NFIL3: variants seen among roughly 807,000 people sequenced by gnomAD.
The protein encoded by NFIL3 is nuclear factor interleukin-3-regulated protein.
A neutral mutation model predicts 10.0 loss-of-function variants in NFIL3; 5 were observed. That is an observed-to-expected ratio of 0.50 (90% confidence interval 0.26 to 1.06). NFIL3 has a LOEUF of 1.06. NFIL3 is among the 50% of genes least tolerant of loss of function. The pLI is 0.13. For synonymous variants in NFIL3, 202 were observed against 206.5 expected, an observed-to-expected ratio of 0.98 and a Z score of 0.19; for missense variants, 436 against 547.6, an observed-to-expected ratio of 0.80 and a Z score of 2.03.
At chr9:91,470,799 G>T in the NFIL3 span, among the ~76,000 whole-genome samples, 1 of 152,150 alleles carries the variant, frequency 6.6e-6, no homozygotes, top group Non-Finnish European at 1.5e-5. Flanking sequence ...TTAAGGAGCA[G>T]GTTGTTCAGT....
chr9:91,439,845 A>C, the NFIL3 span, among the ~76,000 whole-genome samples: 1 of 152,126 alleles, frequency 6.6e-6, no homozygotes, highest in Non-Finnish European at 1.5e-5. Flanking sequence ...AATCAGTGTT[A>C]TATGCCAGAA....
chr9:91,470,351 T>G, the NFIL3 span, among the ~76,000 whole-genome samples: 1 of 148,568 alleles, frequency 6.7e-6, no homozygotes, highest in South Asian at 2.2e-4. Flanking sequence ...GATGGTAGTT[T>G]GTATTTCTGT....
the NFIL3 span, among the ~76,000 whole-genome samples, chr9:91,454,472 C>T: frequency 6.6e-6 from 1 of 151,794 alleles, no homozygotes; most frequent in Non-Finnish European, 1.5e-5. Context: ...CTATGAAATT[C>T]ATACATTTCC....
At chr9:91,422,763 G>A (rs985167858) in intron 1 of NFIL3, among the ~76,000 whole-genome samples, 1 of 152,198 alleles carries the variant, frequency 6.6e-6, no homozygotes, top group African/African-American at 2.4e-5. Context: ...AATAACAGCT[G>A]AGAACATTGA....
In NFIL3 at chr9:91,410,974, A is replaced by C. The variant is rs1333483237; in HGVS notation, c.-172-68T>G. 1.2e-5 allele frequency: 6 copies of C among 489,078 alleles called. No homozygotes were observed. The highest frequency in any genetic ancestry group is 7.6e-5 in the Admixed American group (2 of 26,458). 30.3% of individuals were successfully genotyped at this position (489,078 alleles called of 1,614,324 possible). ...AAATGTTTATTACAAATTATGTACA[A>C]GGAAATATGCTAAGCATTTAGGGCA... On this transcript the variant is annotated intron_variant, in intron 1 of 1. Transcript: ENST00000297689. The surrounding 1 kb of genome is among the most constrained non-coding windows in gnomAD (Gnocchi z 5.7).
At chr9:91,453,060 G>A in the NFIL3 span, among the ~76,000 whole-genome samples, 1 of 152,072 alleles carries the variant, frequency 6.6e-6, no homozygotes, top group South Asian at 2.1e-4. Flanking sequence ...CAATTCTGAG[G>A]GCTACACATC....
upstream of NFIL3, among the ~76,000 whole-genome samples, chr9:91,428,650 C>T (rs961417824): frequency 6.6e-6 from 1 of 152,208 alleles, no homozygotes; most frequent in Non-Finnish European, 1.5e-5. Flanking sequence ...TCTACACCAA[C>T]GACATGATTT....
At chr9:91,473,231 T>A in the NFIL3 span, among the ~76,000 whole-genome samples, 4 of 152,254 alleles carry the variant, frequency 2.6e-5, no homozygotes, top group Admixed American at 2.6e-4. Context: ...AACACTGATC[T>A]CTTCAGAGAT....
rs557006515 is a variant in NFIL3 at position 91,410,029 on chromosome 9, G to C, written c.706C>G (p.Arg236Gly). Residue 236 changes from arginine to glycine, a missense_variant, in exon 2 of 2, where the codon CGA (arginine) becomes GGA (glycine). Physicochemically the swap from Arg to Gly is moderately radical, Grantham distance 125. This residue lies in a region of NFIL3 where 338 missense variants were observed against 399.9 expected (regional missense o/e 0.85). Transcript: ENST00000297689. The surrounding 1 kb of genome is among the most constrained non-coding windows in gnomAD (Gnocchi z 5.7). ...TAGATGGACGCTGTGTAAGAGCCTC[G>C]GTCATCTCTTGGCTCCCTTGTGTAG... ...ESYTREPRDD[R>G]GSYTASIYQN... The C allele has an allele frequency of 1.9e-5, 30 of 1,612,552 alleles. No homozygotes were observed. The highest frequency in any genetic ancestry group is 8.0e-5 in the African/African-American group (6 of 74,954).
chr9:91,469,357 T>C, the NFIL3 span, among the ~76,000 whole-genome samples: 1 of 152,236 alleles, frequency 6.6e-6, no homozygotes. Context: ...ATAGGAATGC[T>C]TGTGATTTTT....
chr9:91,474,811 G>T, the NFIL3 span, among the ~76,000 whole-genome samples: 1 of 152,130 alleles, frequency 6.6e-6, no homozygotes, highest in African/African-American at 2.4e-5. Flanking sequence ...AGCAGCCATG[G>T]GCAATAGGGA....
chr9:91,423,205 C>T (rs1418549192), intron 1 of NFIL3, among the ~76,000 whole-genome samples: 1 of 152,126 alleles, frequency 6.6e-6, no homozygotes, highest in East Asian at 1.9e-4. Flanking sequence ...CCTCAACCCC[C>T]CATTCCTCTC....
At chr9:91,416,586 C>T (rs969826468) in intron 1 of NFIL3, among the ~76,000 whole-genome samples, 8 of 152,132 alleles carry the variant, frequency 5.3e-5, no homozygotes, top group South Asian at 2.1e-4. Flanking sequence ...GTATTCAGCA[C>T]GATTAACTTC....
the NFIL3 span, among the ~76,000 whole-genome samples, chr9:91,441,388 A>G: frequency 1.3e-5 from 2 of 152,216 alleles, no homozygotes; most frequent in South Asian, 4.1e-4. Context: ...CTTTCAGTCT[A>G]TGTTTGTCCT....
At chr9:91,462,186 C>G in the NFIL3 span, among the ~76,000 whole-genome samples, 10 of 150,392 alleles carry the variant, frequency 6.6e-5, no homozygotes, top group Non-Finnish European at 1.5e-4. Flanking sequence ...TTATTTCTTT[C>G]CAATCTATTA....
the NFIL3 span, among the ~76,000 whole-genome samples, chr9:91,482,147 C>A: frequency 3.3e-5 from 5 of 152,176 alleles, no homozygotes; most frequent in African/African-American, 4.8e-5. Context: ...CCTACAATCT[C>A]ATTTCTCAGA....
At chr9:91,413,069 G>C (rs1050983060) in intron 1 of NFIL3, among the ~76,000 whole-genome samples, 4 of 152,032 alleles carry the variant, frequency 2.6e-5, no homozygotes, top group Non-Finnish European at 5.9e-5. Flanking sequence ...CCATTAAACT[G>C]AGCCAACATA....
At chr9:91,449,182 C>T in the NFIL3 span, among the ~76,000 whole-genome samples, 1 of 151,712 alleles carries the variant, frequency 6.6e-6, no homozygotes, top group African/African-American at 2.4e-5. Flanking sequence ...TTTACCTGCT[C>T]CTTTTCGTTA....
the NFIL3 span, among the ~76,000 whole-genome samples, chr9:91,468,896 T>C: frequency 1.3e-5 from 2 of 152,222 alleles, no homozygotes; most frequent in Non-Finnish European, 2.9e-5. Flanking sequence ...CATTGGTCTT[T>C]ATCTCTGTTT....
Sources: gnomAD v4.1 joint callset for allele counts (sites outside exome capture counted in the v4.1 genomes callset) on GRCh38, gnomAD v4.1.1 for gene constraint, gnomAD v4.1.1 regional missense constraint, Gnocchi (gnomAD v3.1) non-coding constraint, MANE v1.5 for transcripts, NCBI Gene and HGNC (gene_info 2026-07-23, HGNC 2026-07-21) for gene names.